MAPK8IP3: variants seen among roughly 807,000 people sequenced by gnomAD.
MAPK8IP3 encodes the protein mitogen-activated protein kinase 8 interacting protein 3.
A neutral mutation model predicts 157.8 loss-of-function variants in MAPK8IP3; 49 were observed. That is an observed-to-expected ratio of 0.31 (90% confidence interval 0.25 to 0.39). MAPK8IP3 has a LOEUF of 0.39. Among genes scored for constraint, MAPK8IP3 ranks in the 10% least tolerant of loss-of-function variants. MAPK8IP3 has a pLI of 1.00. For synonymous variants in MAPK8IP3, 897 were observed against 777.7 expected (o/e 1.15, Z -2.55); for missense variants, 1,478 against 1,889.4 (o/e 0.78, Z 4.04).
chr16:1,738,640 GCGTC>G (rs1196201346), intron 4 of MAPK8IP3, among the ~76,000 whole-genome samples: 2 of 118,116 alleles, frequency 1.7e-5, no homozygotes, highest in Non-Finnish European at 3.5e-5. Context: ...GAGCGTGTGA[GCGTC>G]CGTGTGAGTG....
chr16:1,738,817 CTG>C (rs1175861514), intron 4 of MAPK8IP3, among the ~76,000 whole-genome samples: 25 of 123,676 alleles, frequency 2.0e-4, no homozygotes, highest in South Asian at 8.8e-4. Context: ...ATGTGAGCAT[CTG>C]TGTGACCGTC....
intron 4 of MAPK8IP3, among the ~76,000 whole-genome samples, chr16:1,735,496 T>TC (rs1258413757): frequency 7.5e-6 from 1 of 132,710 alleles, no homozygotes; most frequent in Non-Finnish European, 1.5e-5. Context: ...CATGTGAGCG[T>TC]CCGTGTGACC....
chr16:1,744,384 C>A, intron 5 of MAPK8IP3: 1 of 985,978 alleles, frequency 1.0e-6, no homozygotes, highest in Non-Finnish European at 1.2e-6. Flanking sequence ...CCTTCCACCT[C>A]TAAGTGTCCA....
chr16:1,759,365 A>G (rs1197271510), intron 10 of MAPK8IP3, among the ~76,000 whole-genome samples: 2 of 152,200 alleles, frequency 1.3e-5, no homozygotes, highest in Non-Finnish European at 1.5e-5. Flanking sequence ...TCATGACTGC[A>G]TACACAGTGG....
intron 12 of MAPK8IP3, 24 bp downstream of exon 12, chr16:1,760,556 G>T: frequency 6.3e-7 from 1 of 1,599,538 alleles, no homozygotes; most frequent in Non-Finnish European, 8.5e-7. Flanking sequence ...ATGGAAAGCT[G>T]GTCAGAGAGG....
chr16:1,736,210 ATCCGTGTGAGCG>A (rs2039791993), intron 4 of MAPK8IP3, among the ~76,000 whole-genome samples: 1 of 62,982 alleles, frequency 1.6e-5, no homozygotes, highest in Non-Finnish European at 3.0e-5. Flanking sequence ...ATGTGTGACC[ATCCGTGTGAGCG>A]TCCGTGTAAG....
At position 1,766,821 on chromosome 16, in the gene MAPK8IP3, G is replaced by A. The variant is rs756299616; in HGVS notation, c.3020+18G>A. ...AGCCTGGTGTGGGTGACCCCAGACCGAGGGCCGGGCGGCGCGGGGGAACGG... is the reference window on the plus strand; with the variant it reads ...AGCCTGGTGTGGGTGACCCCAGACCAAGGGCCGGGCGGCGCGGGGGAACGG... On this transcript the variant is annotated intron_variant, in intron 24 of 31. Transcript: ENST00000610761. The A allele has an allele frequency of 8.1e-6, 13 of 1,612,402 alleles. No individual in the cohort carries two copies. Among genetic ancestry groups the A allele is most frequent in the African/African-American group, 8.0e-5 (6 of 74,934 alleles).
intron 1 of MAPK8IP3, chr16:1,713,858 G>C (rs2037957395): frequency 6.6e-6 from 1 of 152,104 alleles, no homozygotes; most frequent in East Asian, 1.9e-4. Flanking sequence ...AGTACAATTT[G>C]ATGAGTTTTG....
rs1245768418 is a variant in MAPK8IP3 at position 1,742,272 on chromosome 16, C to T, written c.603-1060C>T. Among the ~76,000 whole-genome samples the T allele has an allele frequency of 6.6e-6, 1 of 152,186 alleles. No homozygotes were observed. The highest frequency in any genetic ancestry group is 1.9e-4 in the East Asian group (1 of 5,192). ...CGTAAAGGGAGACCTTGGGCTCCAT[C>T]CCTGCTCTTGCTTATGGCCCACAGG... On this transcript the variant is annotated intron_variant, in intron 4 of 31. Transcript: ENST00000610761. The surrounding 1 kb of genome is among the most constrained non-coding windows in gnomAD (Gnocchi z 5.0).
At chr16:1,764,599 G>C (rs538935869) in intron 19 of MAPK8IP3, 140 bp downstream of exon 19, 1 of 1,189,276 alleles carries the variant, frequency 8.4e-7, no homozygotes, top group Non-Finnish European at 1.2e-6. Flanking sequence ...CCTAGACTGC[G>C]GGAAGCAGTG....
intron 4 of MAPK8IP3, among the ~76,000 whole-genome samples, chr16:1,734,084 T>C (rs8049258): frequency 0.27 from 40,481 of 152,196 alleles, 6,444 homozygotes; most frequent in African/African-American, 0.44. Context: ...AAAGCCTTGG[T>C]TGCCATGACT....
rs940245757 is a variant in MAPK8IP3, at chr16:1,724,347, C to T, written c.319-210C>T. On this transcript the variant is annotated intron_variant, in intron 1 of 31. Coordinates refer to ENST00000610761, the MANE Select transcript of MAPK8IP3 (RefSeq NM_001318852.2). This position sits in a 1 kb window ranked among gnomAD's most constrained non-coding sequence, Gnocchi z 4.1. ...TGCAGTCCTGGAGGGCTCTCCCGCC[C>T]TGCCCTCATGGCTCCTCACTGTGCC... 6.6e-6 allele frequency among the ~76,000 whole-genome samples: 1 copy of T among 152,230 alleles called. No individual in the cohort carries two copies. The highest frequency in any genetic ancestry group is 1.5e-5 in the Non-Finnish European group (1 of 68,036).
chr16:1,764,638 C>T (rs928560399), intron 19 of MAPK8IP3, among the ~76,000 whole-genome samples, 179 bp downstream of exon 19: 4 of 152,170 alleles, frequency 2.6e-5, no homozygotes, highest in African/African-American at 9.7e-5. Context: ...GAGCCGCCTT[C>T]TGGGTTTTCA....
At chr16:1,719,695 A>C (rs2142311140) in intron 1 of MAPK8IP3, among the ~76,000 whole-genome samples, 1 of 151,666 alleles carries the variant, frequency 6.6e-6, no homozygotes, top group Admixed American at 6.6e-5. Context: ...AAACCACAAA[A>C]ATTAGCCCAA....
At chr16:1,713,267 G>A (rs901647649) in intron 1 of MAPK8IP3, among the ~76,000 whole-genome samples, 4 of 152,134 alleles carry the variant, frequency 2.6e-5, no homozygotes, top group African/African-American at 7.2e-5. Flanking sequence ...TACTTGTTTC[G>A]GAGATGAGGT....
At chr16:1,716,865 C>A (rs2038184733) in intron 1 of MAPK8IP3, among the ~76,000 whole-genome samples, 1 of 151,996 alleles carries the variant, frequency 6.6e-6, no homozygotes, top group Non-Finnish European at 1.5e-5. Context: ...CGAGACCATC[C>A]TGGCTAACAC....
chr16:1,761,575 A>G lies in MAPK8IP3; in HGVS notation c.1539+270A>G, dbSNP rs181327944. ...TTCACCATTCACACACAGGGCGACC[A>G]CCATTCACCATTCACAGGCAGAGCG... On this transcript the variant is annotated intron_variant, in intron 13 of 31. Transcript: ENST00000610761. 2.0e-3 allele frequency among the ~76,000 whole-genome samples: 296 copies of G among 148,644 alleles called. 2 individuals carry two copies. The highest frequency in any genetic ancestry group is 3.4e-3 in the Middle Eastern group (1 of 292).
Position 1,743,845 on chromosome 16 carries a change from C to T in MAPK8IP3, c.747+369C>T. 1 of 1,114,580 alleles carries T rather than the reference C, an allele frequency of 9.0e-7. No homozygotes were observed. The highest frequency in any genetic ancestry group is 1.1e-6 in the Non-Finnish European group (1 of 910,202). The allele number at this position is 1,114,580 out of a possible 1,614,324, so 69.0% of individuals were successfully genotyped here. A position where few individuals can be genotyped will look rare whatever the true frequency, so the allele number is the denominator to read the frequency against. On this transcript the variant is annotated intron_variant, in intron 5 of 31. Transcript: ENST00000610761. The surrounding 1 kb of genome is among the most constrained non-coding windows in gnomAD (Gnocchi z 5.6). ...AGCCTCATGCTCACCCGGGCTCCAG[C>T]CAGACACATCCTGCCCCTGAGAGCC...
intron 8 of MAPK8IP3, among the ~76,000 whole-genome samples, chr16:1,757,456 G>T (rs1567194967): frequency 6.6e-6 from 1 of 152,176 alleles, no homozygotes; most frequent in Non-Finnish European, 1.5e-5. Flanking sequence ...CCAAGTAGAA[G>T]AGAACCGCGT....
Sources: gnomAD v4.1 joint callset for allele counts (sites outside exome capture counted in the v4.1 genomes callset) on GRCh38, gnomAD v4.1.1 for gene constraint, Gnocchi (gnomAD v3.1) non-coding constraint, MANE v1.5 for transcripts, NCBI Gene and HGNC (gene_info 2026-07-23, HGNC 2026-07-21) for gene names.